The following CCDC102B variants were observed in gnomAD, a reference collection of about 807,000 sequenced individuals.
CCDC102B encodes coiled-coil domain-containing protein 102B.
In CCDC102B, 75 loss-of-function variants were observed where a neutral mutation model predicts 57.4. The ratio of observed to expected loss-of-function variants is 1.31; its 90% CI spans 1.08 to 1.58. CCDC102B has a LOEUF of 1.58. CCDC102B is among the 40% of genes most tolerant of loss of function. CCDC102B has a pLI of 0.00. For synonymous variants in CCDC102B, 206 were observed against 201.9 expected, an observed-to-expected ratio of 1.02 and a Z score of -0.17; for missense variants, 636 against 582.6, an observed-to-expected ratio of 1.09 and a Z score of -0.94.
intron 5 of CCDC102B, among the ~76,000 whole-genome samples, chr18:68,877,572 T>C (rs1942295): frequency 0.56 from 85,396 of 152,072 alleles, 24,207 homozygotes; most frequent in East Asian, 0.77. Flanking sequence ...ATATCAATTG[T>C]TACTCTCAAT....
At chr18:68,873,449 G>A (rs2039313576) in intron 4 of CCDC102B, among the ~76,000 whole-genome samples, 1 of 152,054 alleles carries the variant, frequency 6.6e-6, no homozygotes, top group African/African-American at 2.4e-5. Context: ...TATAATTATA[G>A]ATGCAATAAT....
chr18:68,737,287 A>C (rs2033176497), intron 2 of CCDC102B, among the ~76,000 whole-genome samples: 1 of 152,136 alleles, frequency 6.6e-6, no homozygotes. Flanking sequence ...CAGTGCACAC[A>C]GGGCTTCTCC....
chr18:68,948,387 T>C (rs893673393), intron 6 of CCDC102B, among the ~76,000 whole-genome samples: 4 of 152,164 alleles, frequency 2.6e-5, no homozygotes, highest in Admixed American at 6.6e-5. Flanking sequence ...CTAAATGATG[T>C]CTTTTTCATT....
chr18:68,949,463 A>G (rs1294761615), intron 6 of CCDC102B, among the ~76,000 whole-genome samples: 1 of 152,102 alleles, frequency 6.6e-6, no homozygotes, highest in African/African-American at 2.4e-5. Flanking sequence ...ACAAACTAAT[A>G]CTATGAGGTA....
At chr18:69,006,895 T>C (rs1399648455) in intron 6 of CCDC102B, among the ~76,000 whole-genome samples, 1 of 152,198 alleles carries the variant, frequency 6.6e-6, no homozygotes, top group African/African-American at 2.4e-5. Context: ...GATACTGTTT[T>C]GGTAAAATGA....
intron 2 of CCDC102B, among the ~76,000 whole-genome samples, chr18:68,776,313 T>C (rs2034813744): frequency 6.6e-6 from 1 of 152,196 alleles, no homozygotes; most frequent in Non-Finnish European, 1.5e-5. Flanking sequence ...TGGACATTTT[T>C]CATAATTTCT....
chr18:68,810,671 C>CTTTGTTTGTTTTTTTTTTTTT (rs1568263108), intron 1 of CCDC102B, among the ~76,000 whole-genome samples: 1 of 70,062 alleles, frequency 1.4e-5, no homozygotes. Flanking sequence ...ATTTTCTTTT[C>CTTTGTTTGTTTTTTTTTTTTT]TTTTCTTTGT....
chr18:68,727,945 A>T (rs2032675002), intron 2 of CCDC102B, among the ~76,000 whole-genome samples: 1 of 152,204 alleles, frequency 6.6e-6, no homozygotes, highest in Non-Finnish European at 1.5e-5. Flanking sequence ...GACAATAAAG[A>T]TACCCCTGTC....
intron 6 of CCDC102B, among the ~76,000 whole-genome samples, chr18:68,951,700 C>T (rs994640466): frequency 3.3e-5 from 5 of 151,496 alleles, no homozygotes; most frequent in East Asian, 2.0e-4. Flanking sequence ...CTCAGCTGCT[C>T]GGGAGGCTGA....
intron 7 of CCDC102B, among the ~76,000 whole-genome samples, chr18:69,026,099 C>T (rs1198122210): frequency 2.0e-5 from 3 of 152,040 alleles, no homozygotes; most frequent in Admixed American, 2.0e-4. Context: ...ACTCATTCTG[C>T]GGGGGAGAAC....
intron 2 of CCDC102B, among the ~76,000 whole-genome samples, chr18:68,742,975 G>A (rs2033455003): frequency 6.6e-6 from 1 of 152,096 alleles, no homozygotes; most frequent in Non-Finnish European, 1.5e-5. Flanking sequence ...ATAATGTTCT[G>A]TTTAAATTCT....
chr18:68,922,632 T>G (rs1425019591), intron 6 of CCDC102B, among the ~76,000 whole-genome samples: 1 of 152,096 alleles, frequency 6.6e-6, no homozygotes, highest in African/African-American at 2.4e-5. Context: ...TTGACTCAGG[T>G]GGATCTCTCT....
chr18:68,932,330 AT>A (rs1200665608), intron 6 of CCDC102B, among the ~76,000 whole-genome samples: 8 of 151,850 alleles, frequency 5.3e-5, no homozygotes. Flanking sequence ...AACATTTTGA[AT>A]TTTATAAAAA....
At chr18:68,766,382 A>G (rs1175469650) in intron 2 of CCDC102B, among the ~76,000 whole-genome samples, 1 of 152,180 alleles carries the variant, frequency 6.6e-6, no homozygotes, top group Non-Finnish European at 1.5e-5. Flanking sequence ...CCCTAAAATC[A>G]GGTCTTACAG....
At chr18:68,938,427 A>G (rs888454136) in intron 6 of CCDC102B, among the ~76,000 whole-genome samples, 1 of 151,970 alleles carries the variant, frequency 6.6e-6, no homozygotes, top group African/African-American at 2.4e-5. Flanking sequence ...TTAAAATTAG[A>G]ATTTATACAT....
At chr18:68,980,431 C>T (rs946772487) in intron 6 of CCDC102B, among the ~76,000 whole-genome samples, 59 of 151,170 alleles carry the variant, frequency 3.9e-4, no homozygotes, top group Middle Eastern at 6.8e-3. Context: ...AGAGCAAACT[C>T]TTTGCTCTGG....
intron 5 of CCDC102B, among the ~76,000 whole-genome samples, chr18:68,880,055 C>T (rs906279046): frequency 4.6e-5 from 7 of 152,152 alleles, no homozygotes; most frequent in African/African-American, 1.4e-4. Flanking sequence ...GGGCGGTGCT[C>T]ATCGGGGAGG....
chr18:68,995,346 G>A (rs532263589), intron 6 of CCDC102B, among the ~76,000 whole-genome samples: 1 of 152,242 alleles, frequency 6.6e-6, no homozygotes, highest in African/African-American at 2.4e-5. Context: ...CAAAACAATG[G>A]GGAGAATGTC....
chr18:68,856,957 T>C (rs552971594), intron 4 of CCDC102B, among the ~76,000 whole-genome samples: 9 of 144,804 alleles, frequency 6.2e-5, no homozygotes, highest in African/African-American at 1.8e-4. Flanking sequence ...ACAGTCTATA[T>C]ATATACACAC....
Sources: allele counts gnomAD v4.1 joint callset (sites outside exome capture counted in the v4.1 genomes callset), GRCh38; gene constraint gnomAD v4.1.1; transcripts MANE v1.5; gene names NCBI Gene and HGNC (gene_info 2026-07-23, HGNC 2026-07-21).